FBXO11: variants seen among roughly 807,000 people sequenced by gnomAD.
The protein encoded by FBXO11 is F-box protein 11.
A neutral mutation model predicts 117.0 loss-of-function variants in FBXO11; 13 were observed. The observed-to-expected ratio is 0.11, with a 90% CI of 0.07 to 0.18. FBXO11 has a LOEUF of 0.18. Among genes scored for constraint, FBXO11 ranks in the 10% least tolerant of loss-of-function variants. The probability of loss-of-function intolerance (pLI) is 1.00; values close to 1 mark genes in which losing one functional copy is unlikely to be tolerated. For missense variants in FBXO11, 767 were observed against 1,164.4 expected (o/e 0.66, Z 4.97); for synonymous variants, 490 against 380.5 (o/e 1.29, Z -3.35).
At chr2:47,824,185 G>T (rs1671580436) in intron 11 of FBXO11, among the ~76,000 whole-genome samples, 1 of 152,180 alleles carries the variant, frequency 6.6e-6, no homozygotes, top group Admixed American at 6.5e-5. Context: ...AACTCTGGCT[G>T]CCTTAAAAAT....
intron 1 of FBXO11, among the ~76,000 whole-genome samples, chr2:47,861,000 G>A (rs531570688): frequency 3.3e-5 from 5 of 151,872 alleles, no homozygotes; most frequent in Non-Finnish European, 5.9e-5. Flanking sequence ...TTTTAGTAAA[G>A]TCACTACGTC....
At chr2:47,813,889 A>T in intron 16 of FBXO11, 22 bp from the exon 17 acceptor site, 4 of 1,562,768 alleles carry the variant, frequency 2.6e-6, no homozygotes, top group Non-Finnish European at 2.6e-6. Flanking sequence ...ATAGACAATA[A>T]TACCATTTCA....
chr2:47,904,307 T>C (rs763413050), intron 1 of FBXO11, among the ~76,000 whole-genome samples: 20 of 152,164 alleles, frequency 1.3e-4, no homozygotes, highest in Admixed American at 2.6e-4. Context: ...TACACATAAA[T>C]ACGGTTCTGA....
chr2:47,831,107 G>C (rs1424856120), intron 11 of FBXO11, among the ~76,000 whole-genome samples: 3 of 149,248 alleles, frequency 2.0e-5, no homozygotes, highest in Non-Finnish European at 4.5e-5. Context: ...CCATGGTCTA[G>C]TTTAGTTTAA....
chr2:47,877,640 C>T (rs1676106552), intron 1 of FBXO11, among the ~76,000 whole-genome samples: 1 of 152,050 alleles, frequency 6.6e-6, no homozygotes, highest in Non-Finnish European at 1.5e-5. Context: ...TTCATTTTCT[C>T]CATCTCTCAC....
intron 1 of FBXO11, among the ~76,000 whole-genome samples, chr2:47,849,891 T>A (rs542933591): frequency 1.3e-4 from 20 of 152,274 alleles, no homozygotes; most frequent in Middle Eastern, 6.8e-3. Flanking sequence ...TTACAAACAC[T>A]TAAAATAATT....
rs1168734351 is a variant in FBXO11 at position 47,807,662 on chromosome 2, CAT to C, written c.*454_*455del. ...AAAATCATATTTCTCAATCTGAATA[CAT>C]GTTAAAAAAAAAAAATCAAAAGGAA... On this transcript the variant is annotated 3_prime_UTR_variant, in exon 23 of 23. Coordinates refer to ENST00000403359, the MANE Select transcript of FBXO11 (RefSeq NM_001190274.2). 4.2e-5 allele frequency: 7 copies of C among 166,300 alleles called. No homozygotes were observed. Among genetic ancestry groups the C allele is most frequent in the Non-Finnish European group, 6.9e-5 (6 of 87,368 alleles). The allele number at this position is 166,300 out of a possible 1,614,324, so 10.3% of individuals were successfully genotyped here.
chr2:47,839,454 C>T lies in FBXO11; in HGVS notation c.407G>A (p.Arg136His). The T allele has an allele frequency of 6.2e-7, 1 of 1,614,008 alleles. No individual in the cohort carries two copies. Reference sequence around the variant, plus strand: ...TTGTGATTTTCCAGACACTCTTGCACGTTTTGCACGATGACCAAAGTTTTC... The same window carrying T: ...TTGTGATTTTCCAGACACTCTTGCATGTTTTGCACGATGACCAAAGTTTTC... ...TTENFGHRAK[R>H]ARVSGKSQDL... Residue 136 changes from arginine to histidine, a missense_variant, in exon 3 of 23, where the codon CGT (arginine) becomes CAT (histidine). Physicochemically the swap from Arg to His is conservative, Grantham distance 29. This residue lies in a region of FBXO11 where 355 missense variants were observed against 299.8 expected (regional missense o/e 1.18). Coordinates refer to ENST00000403359, the MANE Select transcript of FBXO11 (RefSeq NM_001190274.2).
At chr2:47,840,389 T>C (rs1218631349) in intron 1 of FBXO11, among the ~76,000 whole-genome samples, 1 of 151,644 alleles carries the variant, frequency 6.6e-6, no homozygotes, top group African/African-American at 2.4e-5. Flanking sequence ...CGGCTCAATA[T>C]AGTGCATGAG....
At chr2:47,813,110 T>G (rs748858047) in intron 18 of FBXO11, 124 bp downstream of exon 18, 8 of 1,016,558 alleles carry the variant, frequency 7.9e-6, no homozygotes, top group Non-Finnish European at 1.2e-5. Context: ...CAGTTCAACT[T>G]GATAAGGAAA....
At chr2:47,836,909 ATT>A in intron 4 of FBXO11, 1 of 362,132 alleles carries the variant, frequency 2.8e-6, no homozygotes, top group Non-Finnish European at 5.3e-6. Context: ...TTATTTTTTG[ATT>A]TTTTTTTGTA....
intron 1 of FBXO11, among the ~76,000 whole-genome samples, chr2:47,903,556 CCAAGA>C (rs1360933453): frequency 6.6e-6 from 1 of 152,106 alleles, no homozygotes; most frequent in Admixed American, 6.5e-5. Flanking sequence ...ATAAAAGTGT[CCAAGA>C]CAAAATTACA....
At chr2:47,825,639 G>T (rs1259069283) in intron 11 of FBXO11, among the ~76,000 whole-genome samples, 2 of 148,570 alleles carry the variant, frequency 1.3e-5, no homozygotes, top group Admixed American at 6.8e-5. Context: ...GAGTGCAAGG[G>T]TGCAATCACT....
chr2:47,892,657 T>A (rs1281651533), intron 1 of FBXO11, among the ~76,000 whole-genome samples: 1 of 152,240 alleles, frequency 6.6e-6, no homozygotes, highest in Non-Finnish European at 1.5e-5. Context: ...AAACAAAATG[T>A]TGTTTTATCT....
intron 1 of FBXO11, among the ~76,000 whole-genome samples, chr2:47,852,224 A>C (rs904755031): frequency 6.6e-6 from 1 of 152,064 alleles, no homozygotes; most frequent in African/African-American, 2.4e-5. Context: ...TCCTGACCTA[A>C]GGTGATCCAC....
Position 47,810,476 on chromosome 2 carries a change from C to G in FBXO11, c.2228-50G>C, listed in dbSNP as rs371997543. 4.3e-6 allele frequency: 5 copies of G among 1,162,694 alleles called. No individual in the cohort carries two copies. The African/African-American group carries it at 7.8e-5, about 18-fold the overall frequency. The allele number at this position is 1,162,694 out of a possible 1,614,324, so 72.0% of individuals were successfully genotyped here. A position where few individuals can be genotyped will look rare whatever the true frequency, so the allele number is the denominator to read the frequency against. ...TAAGGCTAATGCATATAACAGACTA[C>G]TAACCTTTTTGGTGGTATTTAGGTT... is the stretch of plus-strand genomic sequence containing the variant. On this transcript the variant is annotated intron_variant, in intron 18 of 22. Transcript: ENST00000403359.
chr2:47,825,210 A>C (rs1195484770), intron 11 of FBXO11, among the ~76,000 whole-genome samples: 1 of 152,194 alleles, frequency 6.6e-6, no homozygotes, highest in Non-Finnish European at 1.5e-5. Context: ...AGTAGTTTTC[A>C]GACTTCATTT....
intron 11 of FBXO11, among the ~76,000 whole-genome samples, chr2:47,832,029 C>T (rs922683306): frequency 2.0e-5 from 3 of 152,102 alleles, no homozygotes; most frequent in Non-Finnish European, 2.9e-5. Flanking sequence ...CTGGAGGATA[C>T]AGGAATTTTC....
At chr2:47,896,506 T>G (rs1432736941) in intron 1 of FBXO11, among the ~76,000 whole-genome samples, 1 of 152,076 alleles carries the variant, frequency 6.6e-6, no homozygotes, top group Non-Finnish European at 1.5e-5. Context: ...AACTTTGTAT[T>G]TTCTGTAGAG....
Sources: allele counts gnomAD v4.1 joint callset (sites outside exome capture counted in the v4.1 genomes callset), GRCh38; gene constraint gnomAD v4.1.1; regional missense constraint gnomAD v4.1.1; transcripts MANE v1.5; gene names NCBI Gene and HGNC (gene_info 2026-07-23, HGNC 2026-07-21).